NEDD4L: variants seen among roughly 807,000 people sequenced by gnomAD.
NEDD4L encodes NEDD4 like E3 ubiquitin protein ligase.
A neutral mutation model predicts 148.9 loss-of-function variants in NEDD4L; 54 were observed. The observed-to-expected ratio is 0.36, with a 90% confidence interval of 0.29 to 0.45. The LOEUF (loss-of-function observed/expected upper bound fraction) is 0.45, where lower values mean the gene tolerates loss of function less well. Among genes scored for constraint, NEDD4L ranks in the 20% least tolerant of loss-of-function variants. The pLI is 1.00. For synonymous variants in NEDD4L, 433 were observed against 440.7 expected (o/e 0.98, Z 0.22); for missense variants, 856 against 1,233.8 (o/e 0.69, Z 4.59).
chr18:58,144,378 C>CTT (rs1372914300), intron 1 of NEDD4L, among the ~76,000 whole-genome samples: 1 of 151,984 alleles, frequency 6.6e-6, no homozygotes, highest in African/African-American at 2.4e-5. Flanking sequence ...GGGTCACACA[C>CTT]TTTTAAACAA....
intron 1 of NEDD4L, among the ~76,000 whole-genome samples, chr18:58,132,274 G>GA (rs1705800464): frequency 6.6e-6 from 1 of 152,178 alleles, no homozygotes; most frequent in African/African-American, 2.4e-5. Context: ...ACCCACAGGA[G>GA]AGAGGGGATT....
chr18:58,396,366 A>G lies in NEDD4L; in HGVS notation c.*97A>G, dbSNP rs2050491688. 11 of 787,152 alleles carry G rather than the reference A, an allele frequency of 1.4e-5. No individual in the cohort carries two copies. The South Asian group carries it at 1.7e-4, about 12-fold the overall frequency. 48.8% of individuals were successfully genotyped at this position (787,152 alleles called of 1,614,324 possible). On this transcript the variant is annotated 3_prime_UTR_variant, in exon 31 of 31. Coordinates refer to ENST00000400345, the MANE Select transcript of NEDD4L (RefSeq NM_001144967.3). ...TTTTGCAGAGGCGATGGCAGAGAGCAGCTGCAGGCATGGTCCCTGGAGCCG... is the reference window on the plus strand; with the variant it reads ...TTTTGCAGAGGCGATGGCAGAGAGCGGCTGCAGGCATGGTCCCTGGAGCCG...
chr18:58,215,981 AT>A lies in NEDD4L; in HGVS notation c.123-29431del, dbSNP rs918205882. Among the ~76,000 whole-genome samples the A allele has an allele frequency of 5.4e-3, 777 of 144,306 alleles. 3 individuals carry two copies. The highest frequency in any genetic ancestry group is 7.1e-3 in the Middle Eastern group (2 of 280). The allele number at this position is 144,306 out of a possible 152,430, so 94.7% of individuals were successfully genotyped here. On this transcript the variant is annotated intron_variant, in intron 2 of 30. Coordinates refer to ENST00000400345, the MANE Select transcript of NEDD4L (RefSeq NM_001144967.3). ...GGGAATATCTTTGTGCAAAACAAGA[AT>A]TTTTTTTTTTTTTTAGTCAGATTCT...
chr18:58,115,229 T>TTTTC (rs759228171), intron 1 of NEDD4L, among the ~76,000 whole-genome samples: 20 of 149,112 alleles, frequency 1.3e-4, no homozygotes, highest in Non-Finnish European at 2.2e-4. Context: ...TTCTTTTTTC[T>TTTTC]TTTCTTTCTT....
chr18:58,188,997 T>C (rs2048771442), intron 2 of NEDD4L, among the ~76,000 whole-genome samples: 1 of 151,990 alleles, frequency 6.6e-6, no homozygotes, highest in African/African-American at 2.4e-5. Context: ...CAAGACCTTT[T>C]CTTCACCTGT....
intron 5 of NEDD4L, among the ~76,000 whole-genome samples, chr18:58,310,978 A>G (rs2057625758): frequency 6.6e-6 from 1 of 151,532 alleles, no homozygotes; most frequent in Non-Finnish European, 1.5e-5. Context: ...TAAATTCTCT[A>G]CAATTCCCTT....
chr18:58,139,741 G>T (rs749285551), intron 1 of NEDD4L, among the ~76,000 whole-genome samples: 2 of 152,094 alleles, frequency 1.3e-5, no homozygotes, highest in Non-Finnish European at 2.9e-5. Context: ...GCCTGACTTC[G>T]AATCAGCTGT....
At chr18:58,306,869 G>A (rs1229301221) in intron 5 of NEDD4L, among the ~76,000 whole-genome samples, 1 of 152,176 alleles carries the variant, frequency 6.6e-6, no homozygotes, top group Admixed American at 6.5e-5. Flanking sequence ...CCTGACCTCA[G>A]GTGATTCACC....
intron 1 of NEDD4L, among the ~76,000 whole-genome samples, chr18:58,128,953 C>G (rs940078409): frequency 3.3e-5 from 5 of 152,170 alleles, no homozygotes; most frequent in African/African-American, 7.2e-5. Context: ...AGCTATGAAG[C>G]GCCTGTCACG....
At chr18:58,229,334 C>A (rs909278887) in intron 2 of NEDD4L, among the ~76,000 whole-genome samples, 1 of 152,136 alleles carries the variant, frequency 6.6e-6, no homozygotes. Context: ...TAGGCATGCT[C>A]CCGGGACATT....
Position 58,391,019 on chromosome 18 carries a change from G to A in NEDD4L, c.2752+277G>A, listed in dbSNP as rs79266786. ...TCCTAGTTTAGTTTTTTAGTAAATC[G>A]TTAAAAACTAGGTTTTGTAGGGTCA... On this transcript the variant is annotated intron_variant, in intron 29 of 30. Transcript: ENST00000400345. Among the ~76,000 whole-genome samples, 2,014 of 151,194 alleles carry A rather than the reference G, an allele frequency of 0.013. 45 individuals are homozygous for A. The highest frequency in any genetic ancestry group is 0.047 in the African/African-American group (1,926 of 41,134).
chr18:58,084,023 G>T (rs779197744), intron 1 of NEDD4L, among the ~76,000 whole-genome samples: 2 of 152,152 alleles, frequency 1.3e-5, no homozygotes, highest in Non-Finnish European at 2.9e-5. Context: ...GAGCCAGTGC[G>T]CCCGGCCCAA....
At chr18:58,059,636 T>C (rs957775180) in intron 1 of NEDD4L, among the ~76,000 whole-genome samples, 6 of 152,208 alleles carry the variant, frequency 3.9e-5, no homozygotes, top group African/African-American at 1.4e-4. Context: ...CACCTCATCC[T>C]GTCCATGAAG....
chr18:58,076,675 G>A (rs558668003), intron 1 of NEDD4L, among the ~76,000 whole-genome samples: 1 of 152,096 alleles, frequency 6.6e-6, no homozygotes, highest in Non-Finnish European at 1.5e-5. Context: ...GGCTGGAGTT[G>A]GAACTCCTGT....
chr18:58,350,923 T>C (rs967333408), intron 17 of NEDD4L, 68 bp from the exon 18 acceptor site: 9 of 1,242,068 alleles, frequency 7.2e-6, no homozygotes, highest in Non-Finnish European at 1.0e-5. Flanking sequence ...TTTTAAATGT[T>C]GCCTTTGATT....
At chr18:58,339,750 G>A (rs910129125) in intron 13 of NEDD4L, among the ~76,000 whole-genome samples, 1 of 152,040 alleles carries the variant, frequency 6.6e-6, no homozygotes, top group African/African-American at 2.4e-5. Flanking sequence ...TGTGGATGGG[G>A]TTTTCAAATT....
intron 2 of NEDD4L, among the ~76,000 whole-genome samples, chr18:58,212,198 C>T (rs1475557843): frequency 2.0e-5 from 3 of 152,142 alleles, no homozygotes; most frequent in African/African-American, 7.2e-5. Context: ...GCGATCAGGG[C>T]TCACTGCAGC....
chr18:58,286,784 C>T (rs2053965539), intron 5 of NEDD4L, among the ~76,000 whole-genome samples: 1 of 152,154 alleles, frequency 6.6e-6, no homozygotes, highest in Non-Finnish European at 1.5e-5. Flanking sequence ...CCAGTAAGTG[C>T]TATGCTAGAT....
At chr18:58,069,009 C>T (rs2082740089) in intron 1 of NEDD4L, among the ~76,000 whole-genome samples, 1 of 151,994 alleles carries the variant, frequency 6.6e-6, no homozygotes, top group Non-Finnish European at 1.5e-5. Flanking sequence ...TGATGATGTG[C>T]ACCTGTAGTC....
Sources: allele counts gnomAD v4.1 joint callset (sites outside exome capture counted in the v4.1 genomes callset), GRCh38; gene constraint gnomAD v4.1.1; transcripts MANE v1.5; gene names NCBI Gene and HGNC (gene_info 2026-07-23, HGNC 2026-07-21).